The following KBTBD3 variants were observed in gnomAD, a reference collection of about 807,000 sequenced individuals.
KBTBD3 encodes the protein kelch repeat and BTB domain-containing protein 3.
In KBTBD3, 38 loss-of-function variants were observed where a neutral mutation model predicts 49.6. The ratio of observed to expected loss-of-function variants is 0.77; its 90% CI spans 0.59 to 1.00. KBTBD3 has a LOEUF of 1.00. KBTBD3 is among the 50% of genes least tolerant of loss of function. The probability of loss-of-function intolerance (pLI) is 0.00; values close to 1 mark genes in which losing one functional copy is unlikely to be tolerated. For missense variants in KBTBD3, 661 were observed against 712.0 expected (o/e 0.93, Z 0.81); for synonymous variants, 214 against 250.4 (o/e 0.85, Z 1.37).
At chr11:106,073,895 T>A (rs920618727) in intron 2 of KBTBD3, among the ~76,000 whole-genome samples, 2 of 152,216 alleles carry the variant, frequency 1.3e-5, no homozygotes, top group African/African-American at 4.8e-5. Context: ...TGACATGACA[T>A]CATTTTTTTA....
At chr11:106,068,713 C>T (rs1426620659) in intron 2 of KBTBD3, among the ~76,000 whole-genome samples, 1 of 135,570 alleles carries the variant, frequency 7.4e-6, no homozygotes, top group East Asian at 2.1e-4. Context: ...CTGTGGTACT[C>T]CAGACAAAGA....
rs2135002878 is a variant in KBTBD3, at chr11:106,058,795, TTGAG to T, written c.233+66_233+69del. 2.1e-5 allele frequency: 18 copies of T among 857,254 alleles called. No homozygotes were observed. In the South Asian group the frequency reaches 2.7e-4, roughly 13 times the overall value. The allele number at this position is 857,254 out of a possible 1,614,324, so 53.1% of individuals were successfully genotyped here. On this transcript the variant is annotated intron_variant, in intron 3 of 3. Transcript: ENST00000531837. ...GTTGCATGTTCTTGTGGGGAAAAAC[TTGAG>T]TGCAGTATAAAATAGAACTTAATTA...
chr11:106,057,975 A>G, intron 3 of KBTBD3: 1 of 398,404 alleles, frequency 2.5e-6, no homozygotes, highest in Admixed American at 4.4e-5. Flanking sequence ...GACACCATCA[A>G]AAAAATTTCT....
chr11:106,053,581 T>C lies in KBTBD3; in HGVS notation c.1108A>G (p.Thr370Ala), dbSNP rs1238753726. ...LHIAESYHDA[T>A]DQTWCYCPVK... ...GGACAGTAGCACCAGGTTTGATCAG[T>C]GGCATCATGATATGACTCGGCAATA... is the stretch of plus-strand genomic sequence containing the variant. The change falls in exon 4 of 4, where the codon ACT (threonine) becomes GCT (alanine). Residue 370 changes from threonine to alanine, a missense_variant. Coordinates refer to ENST00000531837, the MANE Select transcript of KBTBD3 (RefSeq NM_198439.3). The C allele has an allele frequency of 1.9e-6, 3 of 1,613,730 alleles. No homozygotes were observed. The Admixed American group carries it at 5.0e-5, about 27-fold the overall frequency.
Position 106,053,756 on chromosome 11 carries a change from T to A in KBTBD3, c.933A>T (p.Thr311=). Residue 311 remains threonine, a synonymous_variant, in exon 4 of 4, where the codon ACA becomes ACT. Transcript: ENST00000531837. ...KTEENGENQY[T]FCYNIKSDSW... is the part of the protein sequence containing the mutation. ...AATCAGATTTAATGTTATAGCAAAA[T>A]GTATATTGATTTTCTCCATTTTCCT... The A allele has an allele frequency of 6.2e-7, 1 of 1,613,758 alleles. No individual in the cohort carries two copies. The highest frequency in any genetic ancestry group is 8.5e-7 in the Non-Finnish European group (1 of 1,179,896).
At chr11:106,057,578 T>C (rs191725107) in intron 3 of KBTBD3, 132 of 152,760 alleles carry the variant, frequency 8.6e-4, no homozygotes, top group Middle Eastern at 6.8e-3. Flanking sequence ...TGTCTGACCC[T>C]TAACTTCGCA....
intron 2 of KBTBD3, among the ~76,000 whole-genome samples, chr11:106,074,401 T>C (rs1339223554): frequency 6.6e-6 from 1 of 152,226 alleles, no homozygotes; most frequent in African/African-American, 2.4e-5. Context: ...ACTGCCCTTG[T>C]CAATGTCACC....
In KBTBD3 at chr11:106,059,083, C is replaced by T. The variant is rs539826043; in HGVS notation, c.15G>A (p.Met5Ile). ...GTTGATTGAAAGCATATGAATTATC[C>T]ATAGCCAATTCCATATGTCCTTAGA... MELA[M>I]DNSYAFNQRS... The change falls in exon 3 of 4, where the codon ATG becomes ATA. Residue 5 changes from methionine (M) to isoleucine (I), a missense_variant. Physicochemically the swap from Met to Ile is conservative, Grantham distance 10. Transcript: ENST00000531837. The T allele has an allele frequency of 2.6e-6, 4 of 1,548,792 alleles. No individual in the cohort carries two copies. Among genetic ancestry groups the T allele is most frequent in the South Asian group, 2.5e-5 (2 of 79,150 alleles).
At position 106,052,774 on chromosome 11, in the gene KBTBD3, G is replaced by A; in HGVS notation, c.*76C>T. On this transcript the variant is annotated 3_prime_UTR_variant, in exon 4 of 4. Transcript: ENST00000531837. ...CAGGAATGTTTTATTTCATTAAGAT[G>A]TATAGATCTTTTTACCTATCATTTT... 1 of 1,103,164 alleles carries A rather than the reference G, an allele frequency of 9.1e-7. No individual in the cohort carries two copies. Among genetic ancestry groups the A allele is most frequent in the Non-Finnish European group, 1.3e-6 (1 of 759,148 alleles). The allele number at this position is 1,103,164 out of a possible 1,614,324, so 68.3% of individuals were successfully genotyped here. A position where few individuals can be genotyped will look rare whatever the true frequency, so the allele number is the denominator to read the frequency against.
At chr11:106,059,525 C>G (rs1247834852) in intron 2 of KBTBD3, among the ~76,000 whole-genome samples, 2 of 152,174 alleles carry the variant, frequency 1.3e-5, no homozygotes, top group African/African-American at 4.8e-5. Context: ...AACAAAGTAG[C>G]TGTTAAAATG....
intron 2 of KBTBD3, among the ~76,000 whole-genome samples, chr11:106,070,748 T>C (rs1431063300): frequency 6.6e-6 from 1 of 152,102 alleles, no homozygotes; most frequent in East Asian, 1.9e-4. Flanking sequence ...GTGTGTGCAA[T>C]AGCCTCTACA....
intron 2 of KBTBD3, among the ~76,000 whole-genome samples, chr11:106,071,678 T>C (rs1236262386): frequency 2.0e-5 from 3 of 152,132 alleles, no homozygotes; most frequent in Non-Finnish European, 4.4e-5. Context: ...ATCCTACTTG[T>C]ATAAGTGTAT....
intron 2 of KBTBD3, among the ~76,000 whole-genome samples, chr11:106,066,779 T>C (rs1363144640): frequency 6.7e-6 from 1 of 149,346 alleles, no homozygotes; most frequent in Non-Finnish European, 1.5e-5. Flanking sequence ...AAGGTTTAGA[T>C]GTATCTTTCC....
intron 2 of KBTBD3, chr11:106,075,598 GAGA>G (rs1861010117): frequency 6.6e-6 from 1 of 152,202 alleles, no homozygotes; most frequent in African/African-American, 2.4e-5. Context: ...TAGGCCCTAA[GAGA>G]AGGTTTAAGC....
In KBTBD3 at chr11:106,053,567, C is replaced by A; in HGVS notation, c.1122G>T (p.Trp374Cys). 3 of 1,613,756 alleles carry A rather than the reference C, an allele frequency of 1.9e-6. No homozygotes were observed. Among genetic ancestry groups the A allele is most frequent in the East Asian group, 2.2e-5 (1 of 44,870 alleles). ...ESYHDATDQT[W>C]CYCPVKNDFF... The stretch of plus-strand genomic sequence containing the variant: ...AATCATTTTTCACTGGACAGTAGCA[C>A]CAGGTTTGATCAGTGGCATCATGAT... The change falls in exon 4 of 4, where the codon TGG becomes TGT. Residue 374 changes from tryptophan (W) to cysteine (C), a missense_variant. Physicochemically the swap from Trp to Cys is radical, Grantham distance 215. Transcript: ENST00000531837.
chr11:106,063,238 T>C (rs1408363422), intron 2 of KBTBD3, among the ~76,000 whole-genome samples: 1 of 152,204 alleles, frequency 6.6e-6, no homozygotes, highest in Non-Finnish European at 1.5e-5. Context: ...TGGTTACAAA[T>C]AGGGAACTTC....
Position 106,053,484 on chromosome 11 carries a change from A to G in KBTBD3, c.1205T>C (p.Leu402Pro). Residue 402 changes from leucine (L) to proline (P), a missense_variant, in exon 4 of 4, where the codon CTC becomes CCC. By Grantham distance (98) the Leu-to-Pro change is moderately conservative. Coordinates refer to ENST00000531837, the MANE Select transcript of KBTBD3 (RefSeq NM_198439.3). ...TCCACCTATGACAAATAATCTATCG[A>G]GAGCCATAACTGATGTATGCATGGT... ...PRTMHTSVMALDRLFVIGGKT... is the reference protein window; with the variant it reads ...PRTMHTSVMAPDRLFVIGGKT... 1.2e-6 allele frequency: 2 copies of G among 1,613,804 alleles called. No individual in the cohort carries two copies. The highest frequency in any genetic ancestry group is 1.7e-6 in the Non-Finnish European group (2 of 1,179,868).
chr11:106,058,139 CT>C, intron 3 of KBTBD3: 1 of 378,112 alleles, frequency 2.6e-6, no homozygotes, highest in Non-Finnish European at 4.7e-6. Context: ...AATCCCAGCA[CT>C]TTGGGAGGCC....
chr11:106,072,737 A>G (rs904379212), intron 2 of KBTBD3, among the ~76,000 whole-genome samples: 1 of 152,164 alleles, frequency 6.6e-6, no homozygotes, highest in Non-Finnish European at 1.5e-5. Context: ...ACTGGGTCCT[A>G]CAGTGATCTT....
Sources: allele counts gnomAD v4.1 joint callset (sites outside exome capture counted in the v4.1 genomes callset), GRCh38; gene constraint gnomAD v4.1.1; transcripts MANE v1.5; gene names NCBI Gene and HGNC (gene_info 2026-07-23, HGNC 2026-07-21).